Variants in INTS4 observed in about 807,000 individuals in gnomAD.
INTS4 encodes integrator complex subunit 4.
INTS4 carries 70 observed loss-of-function variants against 119.5 expected under a neutral mutation model. The observed-to-expected ratio is 0.59, with a 90% CI of 0.48 to 0.71. INTS4 has a LOEUF of 0.71. Among genes scored for constraint, INTS4 ranks in the 30% least tolerant of loss-of-function variants. The probability of loss-of-function intolerance (pLI) is 0.00; values close to 1 mark genes in which losing one functional copy is unlikely to be tolerated. For missense variants in INTS4, 867 were observed against 1,173.2 expected, an observed-to-expected ratio of 0.74 and a Z score of 3.81; for synonymous variants, 316 against 419.6, an observed-to-expected ratio of 0.75 and a Z score of 3.02.
downstream of INTS4, chr11:77,878,685 C>T (rs1468463522): frequency 1.5e-6 from 1 of 679,920 alleles, no homozygotes; most frequent in Non-Finnish European, 2.6e-6. Context: ...GCTATAGCCA[C>T]ACGCATTTCT....
intron 19 of INTS4, among the ~76,000 whole-genome samples, chr11:77,892,174 C>A (rs1365516960): frequency 1.3e-5 from 2 of 152,116 alleles, no homozygotes; most frequent in Non-Finnish European, 2.9e-5. Flanking sequence ...ATTTTTAAGA[C>A]CTACGAAGCG....
intron 22 of INTS4, 113 bp downstream of exon 22, chr11:77,883,719 A>G: frequency 8.6e-7 from 1 of 1,161,200 alleles, no homozygotes; most frequent in South Asian, 1.5e-5. Flanking sequence ...TTCAATTCTT[A>G]CAAGGCCTGA....
At position 77,961,086 on chromosome 11, in the gene INTS4, C is replaced by T. The variant is rs1954459630; in HGVS notation, c.524G>A (p.Gly175Asp). The part of the protein sequence containing the change: ...GVRNKCLQLL[G>D]NLGSLEKSVT... ...ACTTTTCTCCAAAGAGCCAAGATTG[C>T]CAAGTAACTGCAGGCACTTATTTCT... The change falls in exon 5 of 23, where the codon GGC becomes GAC. Residue 175 changes from glycine to aspartate, a missense_variant. Physicochemically the swap from Gly to Asp is moderately conservative, Grantham distance 94. Transcript: ENST00000534064. 1 of 1,607,286 alleles carries T rather than the reference C, an allele frequency of 6.2e-7. No homozygotes were observed. The highest frequency in any genetic ancestry group is 8.5e-7 in the Non-Finnish European group (1 of 1,178,570).
At chr11:77,901,176 A>C (rs1463697139) in intron 18 of INTS4, among the ~76,000 whole-genome samples, 1 of 152,224 alleles carries the variant, frequency 6.6e-6, no homozygotes, top group Non-Finnish European at 1.5e-5. Flanking sequence ...GTGTTGTGCT[A>C]TATGTAATGG....
chr11:77,906,065 T>G (rs554035191), intron 16 of INTS4, among the ~76,000 whole-genome samples: 53 of 152,296 alleles, frequency 3.5e-4, no homozygotes, highest in Non-Finnish European at 6.8e-4. Flanking sequence ...ATAATTATAT[T>G]TTGGGGATTT....
At chr11:77,962,621 A>G (rs747919355) in intron 4 of INTS4, among the ~76,000 whole-genome samples, 20 of 152,198 alleles carry the variant, frequency 1.3e-4, no homozygotes, top group Non-Finnish European at 2.6e-4. Flanking sequence ...ATATTGCAAG[A>G]CAGTACATAA....
Position 77,883,929 on chromosome 11 carries a change from A to G in INTS4, c.2616T>C (p.Ala872=). 1 of 1,613,300 alleles carries G rather than the reference A, an allele frequency of 6.2e-7. No homozygotes were observed. Among genetic ancestry groups the G allele is most frequent in the Non-Finnish European group, 8.5e-7 (1 of 1,179,660 alleles). The part of the protein sequence containing the change: ...KVQVLYPDGQ[A]QMIHPKPADF... ...CTGCAGGCTTGGGGTGAATCATCTGAGCCTGGCCATCTGGATATAAGACCT... is the reference window on the plus strand; with the variant it reads ...CTGCAGGCTTGGGGTGAATCATCTGGGCCTGGCCATCTGGATATAAGACCT... The change falls in exon 22 of 23, where the codon GCT becomes GCC. Residue 872 remains alanine, a synonymous_variant. Coordinates refer to ENST00000534064, the MANE Select transcript of INTS4 (RefSeq NM_033547.4).
intron 3 of INTS4, 144 bp downstream of exon 3, chr11:77,981,315 G>T: frequency 5.3e-6 from 2 of 380,542 alleles, no homozygotes; most frequent in Non-Finnish European, 9.4e-6. Flanking sequence ...CTACTCTAAT[G>T]TAAATATGTA....
intron 15 of INTS4, among the ~76,000 whole-genome samples, chr11:77,910,459 G>T: frequency 7.5e-6 from 1 of 133,234 alleles, no homozygotes; most frequent in Non-Finnish European, 1.6e-5. Flanking sequence ...GGGGGAGGGG[G>T]GAGGGATAGC....
intron 8 of INTS4, among the ~76,000 whole-genome samples, chr11:77,954,293 ATT>A (rs796189136): frequency 2.2e-3 from 324 of 149,958 alleles, no homozygotes; most frequent in African/African-American, 7.4e-3. Flanking sequence ...TAAAAAAAAA[ATT>A]TTTTTTTAAT....
At chr11:77,956,202 A>C in intron 7 of INTS4, 140 bp from the exon 8 acceptor site, 1 of 788,812 alleles carries the variant, frequency 1.3e-6, no homozygotes, top group East Asian at 2.8e-5. Context: ...TGAGCCCAAG[A>C]GTTCAAGACC....
chr11:77,883,832 C>T lies in INTS4; in HGVS notation c.2713G>A (p.Glu905Lys). 2 of 1,612,968 alleles carry T rather than the reference C, an allele frequency of 1.2e-6. No individual in the cohort carries two copies. The highest frequency in any genetic ancestry group is 1.1e-5 in the South Asian group (1 of 90,814). Reference sequence around the variant, plus strand: ...TCCCACCCTGGTCCTGACTCCTTACCTGTCCAAGCGGTGTGGGAGAGATAA... The same window carrying T: ...TCCCACCCTGGTCCTGACTCCTTACTTGTCCAAGCGGTGTGGGAGAGATAA... The part of the protein sequence containing the change: ...QVYLSHTAWT[E>K]ACQVEVRLLL... The change falls in exon 22 of 23, where the codon GAG (glutamate) becomes AAG (lysine). Residue 905 changes from glutamate to lysine, a missense_variant and splice_region_variant. Glu to Lys is a moderately conservative substitution (Grantham distance 56). Coordinates refer to ENST00000534064, the MANE Select transcript of INTS4 (RefSeq NM_033547.4).
chr11:77,970,217 T>C (rs923552767), intron 4 of INTS4, among the ~76,000 whole-genome samples: 1 of 151,320 alleles, frequency 6.6e-6, no homozygotes, highest in African/African-American at 2.4e-5. Context: ...GCCAACATGG[T>C]GAAACCCCAT....
At chr11:77,905,359 A>G (rs1952914778) in intron 16 of INTS4, among the ~76,000 whole-genome samples, 1 of 151,998 alleles carries the variant, frequency 6.6e-6, no homozygotes, top group African/African-American at 2.4e-5. Context: ...TGGGAGACTG[A>G]GACAGGAGAA....
chr11:77,919,966 G>A (rs1565244375), intron 14 of INTS4, among the ~76,000 whole-genome samples: 1 of 151,788 alleles, frequency 6.6e-6, no homozygotes, highest in African/African-American at 2.4e-5. Flanking sequence ...CCACCACCAT[G>A]CCCAGTTAAT....
At chr11:77,947,160 G>T (rs1229647519) in intron 8 of INTS4, among the ~76,000 whole-genome samples, 1 of 151,614 alleles carries the variant, frequency 6.6e-6, no homozygotes, top group Non-Finnish European at 1.5e-5. Context: ...GAACATATGG[G>T]ACATCAACAG....
chr11:77,939,558 A>G (rs1278171814), intron 9 of INTS4, among the ~76,000 whole-genome samples: 2 of 152,206 alleles, frequency 1.3e-5, no homozygotes, highest in Non-Finnish European at 2.9e-5. Flanking sequence ...TTACACAGAG[A>G]TTGCCTAAGG....
At chr11:77,920,210 CAT>C (rs377761085) in intron 14 of INTS4, among the ~76,000 whole-genome samples, 1,179 of 113,340 alleles carry the variant, frequency 0.01, 17 homozygotes, top group African/African-American at 0.036. Context: ...TATATACACA[CAT>C]ATATATACAC....
chr11:77,993,630 T>C (rs539135263), intron 1 of INTS4, among the ~76,000 whole-genome samples: 1 of 88,172 alleles, frequency 1.1e-5, no homozygotes, highest in South Asian at 2.8e-4. Context: ...ATATTATGTA[T>C]TGACATATTT....
Sources: allele counts gnomAD v4.1 joint callset (sites outside exome capture counted in the v4.1 genomes callset), GRCh38; gene constraint gnomAD v4.1.1; transcripts MANE v1.5; gene names NCBI Gene and HGNC (gene_info 2026-07-23, HGNC 2026-07-21).